SAMD5: variants seen among roughly 807,000 people sequenced by gnomAD.
SAMD5 encodes the protein sterile alpha motif domain-containing protein 5.
SAMD5 carries 13 observed loss-of-function variants against 11.3 expected under a neutral mutation model. The observed-to-expected ratio is 1.15, with a 90% CI of 0.75 to 1.83. SAMD5 has a LOEUF of 1.83. SAMD5 is among the 40% of genes most tolerant of loss of function. The pLI is 0.00. For missense variants in SAMD5, 255 were observed against 239.1 expected (o/e 1.07, Z -0.44); for synonymous variants, 129 against 111.3 (o/e 1.16, Z -1.00).
At position 147,566,317 on chromosome 6, in the gene SAMD5, T is replaced by C. The variant is rs1306428320; in HGVS notation, c.*1861T>C. On this transcript the variant is annotated 3_prime_UTR_variant, in exon 2 of 2. Transcript: ENST00000367474. ...TTTTTTTTCCAAATGAACTAGGGTCTTTAAAATTCCTAAGTAGATTCTTTT... is the reference window on the plus strand; with the variant it reads ...TTTTTTTTCCAAATGAACTAGGGTCCTTAAAATTCCTAAGTAGATTCTTTT... 1 of 979,902 alleles carries C rather than the reference T, an allele frequency of 1.0e-6. No individual in the cohort carries two copies. The highest frequency in any genetic ancestry group is 1.8e-5 in the African/African-American group (1 of 57,130). The allele number at this position is 979,902 out of a possible 1,614,324, so 60.7% of individuals were successfully genotyped here.
the SAMD5 span, among the ~76,000 whole-genome samples, chr6:147,789,111 ACAC>A: frequency 7.8e-3 from 1,149 of 147,234 alleles, 18 homozygotes; most frequent in African/African-American, 0.027. Flanking sequence ...AAAAAAAAAA[ACAC>A]CACCATCCAG....
chr6:147,608,717 A>G lies in SAMD5; in HGVS notation c.162+99330A>G, dbSNP rs114513407. On this transcript the variant is annotated intron_variant, in intron 1 of 1. Coordinates refer to the SAMD5 transcript ENST00000566741. ...AAAAGAAAAAACAGAAAGGATGAAT[A>G]AGACCTACTATTTGACAGCACAATC... Among the ~76,000 whole-genome samples the G allele has an allele frequency of 5.0e-3, 764 of 152,270 alleles. 5 individuals carry two copies. Among genetic ancestry groups the G allele is most frequent in the African/African-American group, 0.018 (736 of 41,542 alleles).
chr6:147,658,237 T>C (rs1790597896), intron 1 of SAMD5, among the ~76,000 whole-genome samples: 1 of 152,152 alleles, frequency 6.6e-6, no homozygotes, highest in Non-Finnish European at 1.5e-5. Flanking sequence ...ATTCAGAAGA[T>C]GTTAAGAAGA....
At chr6:147,713,845 T>C (rs1791431485) in intron 1 of SAMD5, among the ~76,000 whole-genome samples, 1 of 152,178 alleles carries the variant, frequency 6.6e-6, no homozygotes, top group Admixed American at 6.5e-5. Context: ...TACTCTTCCC[T>C]TGCCTCCCCT....
chr6:147,724,327 AT>A (rs1004290508), intron 1 of SAMD5, among the ~76,000 whole-genome samples: 2 of 151,748 alleles, frequency 1.3e-5, no homozygotes, highest in African/African-American at 4.8e-5. Context: ...GCTTAACTTT[AT>A]TTTTTTTCAG....
intron 1 of SAMD5, among the ~76,000 whole-genome samples, chr6:147,707,447 A>C (rs915266623): frequency 1.3e-5 from 2 of 152,194 alleles, no homozygotes; most frequent in African/African-American, 4.8e-5. Context: ...TTAATGAAAA[A>C]CTGAGTGGTT....
the SAMD5 span, among the ~76,000 whole-genome samples, chr6:147,880,754 A>G: frequency 6.6e-6 from 1 of 152,114 alleles, no homozygotes; most frequent in Non-Finnish European, 1.5e-5. Context: ...TTCAGCCTTT[A>G]CATCATACAG....
At chr6:147,922,486 C>T in the SAMD5 span, among the ~76,000 whole-genome samples, 12 of 152,084 alleles carry the variant, frequency 7.9e-5, no homozygotes, top group East Asian at 3.8e-4. Flanking sequence ...TGCCCCTCTA[C>T]GCTAAAAATC....
At chr6:147,728,030 G>A (rs1791654346) in intron 1 of SAMD5, among the ~76,000 whole-genome samples, 1 of 152,144 alleles carries the variant, frequency 6.6e-6, no homozygotes, top group Non-Finnish European at 1.5e-5. Flanking sequence ...ATTCCAATCA[G>A]TAAATGAAAA....
chr6:147,561,346 C>T lies in SAMD5; in HGVS notation c.460-3048C>T, dbSNP rs1345500026. 1.3e-5 allele frequency among the ~76,000 whole-genome samples: 2 copies of T among 152,126 alleles called. 1 individual carries two copies. The highest frequency in any genetic ancestry group is 4.8e-5 in the African/African-American group (2 of 41,420). Reference sequence around the variant, plus strand: ...GGGACTACAGGCACGTGCCACCACGCCCAGCTAATTTTTGTATTTTTAGTA... The same window carrying T: ...GGGACTACAGGCACGTGCCACCACGTCCAGCTAATTTTTGTATTTTTAGTA... On this transcript the variant is annotated intron_variant, in intron 1 of 1. Transcript: ENST00000367474.
At chr6:147,862,465 T>C in the SAMD5 span, among the ~76,000 whole-genome samples, 1 of 152,160 alleles carries the variant, frequency 6.6e-6, no homozygotes, top group Non-Finnish European at 1.5e-5. Flanking sequence ...ACTACCAAGA[T>C]GAAAAGACCC....
chr6:147,709,990 T>G (rs1172835725), intron 1 of SAMD5, among the ~76,000 whole-genome samples: 1 of 152,220 alleles, frequency 6.6e-6, no homozygotes, highest in East Asian at 1.9e-4. Context: ...CAGTGAGGTC[T>G]ACAAAGTGCT....
chr6:147,545,958 A>G (rs1030463806), intron 1 of SAMD5, among the ~76,000 whole-genome samples: 3 of 152,234 alleles, frequency 2.0e-5, no homozygotes, highest in South Asian at 4.1e-4. Context: ...GAGACTGCAT[A>G]TAAAGCTGTT....
At chr6:147,509,567 G>A (rs1004256302) in intron 1 of SAMD5, among the ~76,000 whole-genome samples, 180 bp downstream of exon 1, 2 of 152,052 alleles carry the variant, frequency 1.3e-5, no homozygotes, top group Non-Finnish European at 2.9e-5. Context: ...CCTTCCTGGT[G>A]TCTCCAGTGG....
At chr6:147,674,755 A>T (rs1358270116) in intron 1 of SAMD5, among the ~76,000 whole-genome samples, 1 of 152,172 alleles carries the variant, frequency 6.6e-6, no homozygotes, top group Non-Finnish European at 1.5e-5. Context: ...TGAATGAGTT[A>T]CCTGCACTAT....
intron 1 of SAMD5, among the ~76,000 whole-genome samples, chr6:147,603,403 T>C (rs1403124058): frequency 1.3e-5 from 2 of 152,188 alleles, no homozygotes; most frequent in South Asian, 2.1e-4. Context: ...GATTTCTAGC[T>C]TTGACCTTTT....
the SAMD5 span, among the ~76,000 whole-genome samples, chr6:147,753,714 C>T: frequency 1.3e-5 from 2 of 151,942 alleles, no homozygotes; most frequent in South Asian, 2.1e-4. Flanking sequence ...CCCCTCACCA[C>T]CCTTCCCAGC....
the SAMD5 span, among the ~76,000 whole-genome samples, chr6:147,825,892 C>T: frequency 6.6e-6 from 1 of 152,116 alleles, no homozygotes; most frequent in Non-Finnish European, 1.5e-5. Flanking sequence ...TTACATTCAC[C>T]ACGATTATAA....
the SAMD5 span, among the ~76,000 whole-genome samples, chr6:147,810,221 T>C: frequency 6.6e-6 from 1 of 152,242 alleles, no homozygotes; most frequent in Non-Finnish European, 1.5e-5. Flanking sequence ...CATAGGTATA[T>C]TCCTGTGAAT....
Sources: allele counts gnomAD v4.1 joint callset (sites outside exome capture counted in the v4.1 genomes callset), GRCh38; gene constraint gnomAD v4.1.1; transcripts MANE v1.5; gene names NCBI Gene and HGNC (gene_info 2026-07-23, HGNC 2026-07-21).